The following SPMIP4 variants were observed in gnomAD, a reference collection of about 807,000 sequenced individuals.
The protein encoded by SPMIP4 is sperm microtubule inner protein 4, also known as sperm-associated microtubule inner protein 4.
At chr7:25,179,349 G>A in the SPMIP4 span, 4 of 1,587,270 alleles carry the variant, frequency 2.5e-6, no homozygotes, top group Admixed American at 1.8e-5. Flanking sequence ...AAGAAAAGGA[G>A]GGCACATTTG....
At chr7:25,173,154 G>A in the SPMIP4 span, among the ~76,000 whole-genome samples, 4 of 151,792 alleles carry the variant, frequency 2.6e-5, no homozygotes, top group Non-Finnish European at 5.9e-5. This position sits in a 1 kb window ranked among gnomAD's most constrained non-coding sequence, Gnocchi z 4.4. Flanking sequence ...AGAGAAAGAG[G>A]TATGGACTGT....
the SPMIP4 span, among the ~76,000 whole-genome samples, chr7:25,150,540 C>T: frequency 2.6e-5 from 4 of 152,200 alleles, no homozygotes; most frequent in African/African-American, 9.6e-5. Flanking sequence ...TTATCACTTG[C>T]CTATCTCATG....
chr7:25,160,565 T>A, the SPMIP4 span, among the ~76,000 whole-genome samples: 2 of 152,174 alleles, frequency 1.3e-5, no homozygotes. Flanking sequence ...TCCCAAAGTG[T>A]TGGGAATTAC....
the SPMIP4 span, among the ~76,000 whole-genome samples, chr7:25,145,490 A>G: frequency 2.0e-5 from 3 of 152,160 alleles, no homozygotes; most frequent in African/African-American, 7.2e-5. Flanking sequence ...AAGGGATGTT[A>G]CTCTGAGAGG....
At chr7:25,167,352 A>T in the SPMIP4 span, among the ~76,000 whole-genome samples, 1 of 152,218 alleles carries the variant, frequency 6.6e-6, no homozygotes, top group Non-Finnish European at 1.5e-5. Flanking sequence ...CTGTTTATTC[A>T]TTGTAAAACA....
the SPMIP4 span, chr7:25,135,753 A>G: frequency 8.2e-7 from 1 of 1,218,460 alleles, no homozygotes; most frequent in Non-Finnish European, 1.0e-6. Context: ...TAGTTCTAAT[A>G]TTTTATTGCC....
the SPMIP4 span, among the ~76,000 whole-genome samples, chr7:25,174,535 C>G: frequency 6.6e-6 from 1 of 152,120 alleles, no homozygotes; most frequent in East Asian, 1.9e-4. The surrounding 1 kb of genome is among the most constrained non-coding windows in gnomAD (Gnocchi z 4.5). Context: ...TAGAGAAAAG[C>G]TCGAGATAAA....
the SPMIP4 span, among the ~76,000 whole-genome samples, chr7:25,129,132 C>G: frequency 1.3e-5 from 2 of 152,232 alleles, no homozygotes; most frequent in African/African-American, 2.4e-5. Context: ...TTCCCTTGGC[C>G]TCCCTGGCTA....
At chr7:25,168,496 C>A in the SPMIP4 span, 1 of 1,544,438 alleles carries the variant, frequency 6.5e-7, no homozygotes. Flanking sequence ...CAAAGAGCCT[C>A]AGCAACATAA....
the SPMIP4 span, among the ~76,000 whole-genome samples, chr7:25,138,096 G>A: frequency 6.6e-6 from 1 of 152,004 alleles, no homozygotes; most frequent in African/African-American, 2.4e-5. The surrounding 1 kb of genome is among the most constrained non-coding windows in gnomAD (Gnocchi z 6.2). Context: ...TCAATTTTAA[G>A]TTATGATCTT....
At chr7:25,168,395 T>C in the SPMIP4 span, 1 of 1,613,158 alleles carries the variant, frequency 6.2e-7, no homozygotes, top group South Asian at 1.1e-5. Context: ...ATCGGTATTA[T>C]CCCACCATAC....
chr7:25,128,477 C>T, the SPMIP4 span, among the ~76,000 whole-genome samples: 1,820 of 152,338 alleles, frequency 0.012, 31 homozygotes, highest in Middle Eastern at 0.051. This position sits in a 1 kb window ranked among gnomAD's most constrained non-coding sequence, Gnocchi z 4.5. Context: ...CCATGACCAC[C>T]ATTGCACTAG....
the SPMIP4 span, chr7:25,136,397 T>A: frequency 6.2e-7 from 1 of 1,614,096 alleles, no homozygotes; most frequent in Non-Finnish European, 8.5e-7. The surrounding 1 kb of genome is among the most constrained non-coding windows in gnomAD (Gnocchi z 5.7). Context: ...GTGGGTTGGG[T>A]TTTTAGTGAC....
chr7:25,130,029 G>A, the SPMIP4 span, among the ~76,000 whole-genome samples: 1 of 151,966 alleles, frequency 6.6e-6, no homozygotes, highest in South Asian at 2.1e-4. Flanking sequence ...CTTGATGTCA[G>A]GAGTATGAGA....
At chr7:25,155,135 G>T in the SPMIP4 span, 1 of 1,611,526 alleles carries the variant, frequency 6.2e-7, no homozygotes, top group South Asian at 1.1e-5. Context: ...GGAACATGGC[G>T]CCGCGACAGA....
chr7:25,172,989 T>C, the SPMIP4 span, among the ~76,000 whole-genome samples: 1 of 45,802 alleles, frequency 2.2e-5, no homozygotes, highest in Non-Finnish European at 4.4e-5. The surrounding 1 kb of genome is among the most constrained non-coding windows in gnomAD (Gnocchi z 4.2). Context: ...GGTGGTGGGG[T>C]GAAGGGTTGG....
chr7:25,143,115 T>A, the SPMIP4 span, among the ~76,000 whole-genome samples: 30,276 of 152,122 alleles, frequency 0.2, 3,766 homozygotes, highest in African/African-American at 0.36. Flanking sequence ...TGAAATTTTA[T>A]TAGCAATACA....
the SPMIP4 span, among the ~76,000 whole-genome samples, chr7:25,153,991 G>A: frequency 2.0e-5 from 3 of 152,208 alleles, no homozygotes; most frequent in Non-Finnish European, 4.4e-5. Context: ...TGATAAGTAG[G>A]TTCTATTAAT....
the SPMIP4 span, among the ~76,000 whole-genome samples, chr7:25,175,924 G>T: frequency 1.5e-4 from 23 of 152,284 alleles, no homozygotes; most frequent in South Asian, 6.2e-4. Context: ...CTTTTTAAGA[G>T]GGGGTTAAGA....
Sources: gnomAD v4.1 joint callset for allele counts (sites outside exome capture counted in the v4.1 genomes callset) on GRCh38, gnomAD v4.1.1 for gene constraint, Gnocchi (gnomAD v3.1) non-coding constraint, MANE v1.5 for transcripts, NCBI Gene and HGNC (gene_info 2026-07-23, HGNC 2026-07-21) for gene names.